The following BIRC6 variants were observed in gnomAD, a reference collection of about 807,000 sequenced individuals.
BIRC6 encodes dual E2 ubiquitin-conjugating enzyme/E3 ubiquitin-protein ligase BIRC6.
BIRC6 carries 98 observed loss-of-function variants against 503.3 expected under a neutral mutation model. The ratio of observed to expected loss-of-function variants is 0.19; its 90% CI spans 0.17 to 0.23. BIRC6 has a LOEUF of 0.23. BIRC6 is among the 10% of genes least tolerant of loss of function. The pLI is 1.00. For missense variants in BIRC6, 5,360 were observed against 5,806.0 expected (o/e 0.92, Z 2.50); for synonymous variants, 2,240 against 2,078.7 (o/e 1.08, Z -2.11).
rs1394949167 is a variant in BIRC6, at chr2:32,415,942, C to T, written c.2651C>T (p.Thr884Ile). ...GAACCTATTGAGGACATGCAGTTAA[C>T]CTCAAAGAATGGTTTTGAGAGAGAA... The part of the protein sequence containing the change: ...CEEPIEDMQL[T>I]SKNGFEREKT... The change falls in exon 10 of 74, where the codon ACC becomes ATC. Residue 884 changes from threonine to isoleucine, a missense_variant. By Grantham distance (89) the Thr-to-Ile change is moderately conservative. This residue lies in a region of BIRC6 where 700 missense variants were observed against 739.3 expected (regional missense o/e 0.95). Transcript: ENST00000421745. 1.9e-6 allele frequency: 3 copies of T among 1,613,860 alleles called. No individual in the cohort carries two copies. The highest frequency in any genetic ancestry group is 2.2e-5 in the East Asian group (1 of 44,882).
chr2:32,406,381 A>C, intron 8 of BIRC6, 118 bp from the exon 9 acceptor site: 5 of 683,482 alleles, frequency 7.3e-6, no homozygotes, highest in Non-Finnish European at 1.3e-5. Flanking sequence ...CCTGGATGAC[A>C]GACTGAGACC....
intron 1 of BIRC6, among the ~76,000 whole-genome samples, chr2:32,360,194 G>C (rs534932880): frequency 1.3e-5 from 2 of 152,120 alleles, no homozygotes; most frequent in Non-Finnish European, 2.9e-5. Context: ...GGACGCCTGG[G>C]GTTCAGTTTA....
At chr2:32,403,728 T>TTA (rs1481767344) in intron 8 of BIRC6, among the ~76,000 whole-genome samples, 6 of 152,194 alleles carry the variant, frequency 3.9e-5, no homozygotes, top group Non-Finnish European at 8.8e-5. Flanking sequence ...TTTTGCATGT[T>TTA]TATTGCTTTG....
At chr2:32,539,167 A>G (rs1317898986) in intron 61 of BIRC6, among the ~76,000 whole-genome samples, 2 of 152,238 alleles carry the variant, frequency 1.3e-5, no homozygotes, top group Non-Finnish European at 2.9e-5. Flanking sequence ...AAGTCATAAC[A>G]ATCCTAAATT....
chr2:32,556,676 C>T (rs758802123), intron 65 of BIRC6, among the ~76,000 whole-genome samples: 3 of 152,076 alleles, frequency 2.0e-5, no homozygotes, highest in Non-Finnish European at 2.9e-5. Flanking sequence ...AGGCCAGGCT[C>T]GGTGGCTCAA....
intron 32 of BIRC6, chr2:32,472,864 T>G (rs2049260060): frequency 3.3e-6 from 1 of 301,748 alleles, no homozygotes; most frequent in Non-Finnish European, 6.1e-6. Flanking sequence ...AGCTATTATC[T>G]AAATGAAAGA....
chr2:32,391,408 CT>C (rs1461762298), intron 4 of BIRC6, among the ~76,000 whole-genome samples: 1 of 152,118 alleles, frequency 6.6e-6, no homozygotes, highest in Non-Finnish European at 1.5e-5. Context: ...GATAGGTCTT[CT>C]GTTCTAAGAC....
chr2:32,451,027 T>G (rs1453788739), intron 22 of BIRC6, among the ~76,000 whole-genome samples: 1 of 152,210 alleles, frequency 6.6e-6, no homozygotes, highest in African/African-American at 2.4e-5. Flanking sequence ...GTTTGCTCAC[T>G]CTGTTACCTC....
intron 21 of BIRC6, among the ~76,000 whole-genome samples, chr2:32,446,305 A>C (rs2045939229): frequency 6.6e-6 from 1 of 152,216 alleles, no homozygotes; most frequent in African/African-American, 2.4e-5. Flanking sequence ...GAATTATGTG[A>C]GTCACTTATT....
Position 32,429,263 on chromosome 2 carries a change from C to T in BIRC6, c.2990C>T (p.Pro997Leu). The T allele has an allele frequency of 6.5e-7, 1 of 1,532,942 alleles. No homozygotes were observed. The highest frequency in any genetic ancestry group is 8.8e-7 in the Non-Finnish European group (1 of 1,141,198). The allele number at this position is 1,532,942 out of a possible 1,614,324, so 95.0% of individuals were successfully genotyped here. The change falls in exon 11 of 74, where the codon CCT becomes CTT. Residue 997 changes from proline to leucine, a missense_variant. Transcript: ENST00000421745. ...GAACCATCTTCAGAAGGTTCCAAACCTTTATCAAATCCTTCAAGTCCTGGC... is the reference window on the plus strand; with the variant it reads ...GAACCATCTTCAGAAGGTTCCAAACTTTTATCAAATCCTTCAAGTCCTGGC... ...GIEPSSEGSK[P>L]LSNPSSPGIS...
intron 73 of BIRC6, among the ~76,000 whole-genome samples, chr2:32,612,634 C>CA (rs562667563): frequency 1.2e-4 from 18 of 152,088 alleles, no homozygotes; most frequent in African/African-American, 3.4e-4. Flanking sequence ...TTGTGAATGA[C>CA]AAAGTGTATG....
chr2:32,382,681 A>G (rs996288016), intron 3 of BIRC6, among the ~76,000 whole-genome samples: 1 of 152,200 alleles, frequency 6.6e-6, no homozygotes, highest in Non-Finnish European at 1.5e-5. Flanking sequence ...CACACTTTAT[A>G]TATTTGAACT....
chr2:32,465,185 ATTTTTT>A, intron 26 of BIRC6, 21 bp downstream of exon 26: 22 of 847,528 alleles, frequency 2.6e-5, no homozygotes, highest in South Asian at 4.5e-5. Context: ...ACTTTCTTAA[ATTTTTT>A]TTTTTTTTTT....
chr2:32,468,427 T>G lies in BIRC6; in HGVS notation c.5781-10T>G. 6.5e-7 allele frequency: 1 copy of G among 1,541,554 alleles called. No homozygotes were observed. The stretch of plus-strand genomic sequence containing the variant: ...CAAGAATTATTTTGTTCAATCTTTT[T>G]TTACTTTAGGTATAACTTGGCTTGT... On this transcript the variant is annotated splice_polypyrimidine_tract_variant and intron_variant, in intron 28 of 73. Coordinates refer to ENST00000421745, the MANE Select transcript of BIRC6 (RefSeq NM_016252.4).
At chr2:32,522,462 A>C (rs1338688052) in intron 57 of BIRC6, 1 of 152,196 alleles carries the variant, frequency 6.6e-6, no homozygotes, top group African/African-American at 2.4e-5. Flanking sequence ...TACTGTAATT[A>C]TTGGTAATTT....
In BIRC6 at chr2:32,404,603, T is replaced by C. The variant is rs143703542; in HGVS notation, c.1419-1896T>C. ...TGCTGGGATTATAGGTGTGAGCCAC[T>C]GCATCTGGCCTTAGCCATAAAATGT... On this transcript the variant is annotated intron_variant, in intron 8 of 73. Coordinates refer to ENST00000421745, the MANE Select transcript of BIRC6 (RefSeq NM_016252.4). Among the ~76,000 whole-genome samples the C allele has an allele frequency of 1.4e-3, 218 of 152,280 alleles. 2 individuals are homozygous for C. Among genetic ancestry groups the C allele is most frequent in the African/African-American group, 5.0e-3 (207 of 41,568 alleles).
chr2:32,610,795 G>A (rs534986055), intron 72 of BIRC6, among the ~76,000 whole-genome samples: 1 of 152,086 alleles, frequency 6.6e-6, no homozygotes, highest in Non-Finnish European at 1.5e-5. Flanking sequence ...TTTTGATGGA[G>A]TCTTGCTCTG....
intron 65 of BIRC6, among the ~76,000 whole-genome samples, chr2:32,560,995 C>T (rs1421125786): frequency 1.3e-5 from 2 of 151,688 alleles, no homozygotes; most frequent in African/African-American, 2.4e-5. Context: ...GTCAGGAGGT[C>T]GAGACCAGCC....
intron 9 of BIRC6, among the ~76,000 whole-genome samples, chr2:32,410,949 C>T (rs2041803724): frequency 6.6e-6 from 1 of 152,170 alleles, no homozygotes; most frequent in Non-Finnish European, 1.5e-5. Context: ...ATCCACCCTC[C>T]TCGGCCTCCC....
Sources: allele counts gnomAD v4.1 joint callset (sites outside exome capture counted in the v4.1 genomes callset), GRCh38; gene constraint gnomAD v4.1.1; regional missense constraint gnomAD v4.1.1; transcripts MANE v1.5; gene names NCBI Gene and HGNC (gene_info 2026-07-23, HGNC 2026-07-21).